The following FRMD4A variants were observed in gnomAD, a reference collection of about 807,000 sequenced individuals.
The protein encoded by FRMD4A is FERM domain containing 4A, also known as FERM domain-containing protein 4A.
A neutral mutation model predicts 129.1 loss-of-function variants in FRMD4A; 29 were observed. The ratio of observed to expected loss-of-function variants is 0.22; its 90% CI spans 0.17 to 0.31. FRMD4A has a LOEUF of 0.31. FRMD4A is among the 10% of genes least tolerant of loss of function. The pLI is 1.00. For missense variants in FRMD4A, 1,272 were observed against 1,375.8 expected, an observed-to-expected ratio of 0.92 and a Z score of 1.19; for synonymous variants, 634 against 571.6, an observed-to-expected ratio of 1.11 and a Z score of -1.56.
intron 2 of FRMD4A, among the ~76,000 whole-genome samples, chr10:14,086,735 T>C (rs1564277310): frequency 6.6e-6 from 1 of 152,178 alleles, no homozygotes; most frequent in East Asian, 1.9e-4. Flanking sequence ...TTTTTTTTGT[T>C]ATTGTTTTAG....
At chr10:14,008,421 T>G (rs2095670135) in intron 2 of FRMD4A, 6 of 1,024,160 alleles carry the variant, frequency 5.9e-6, no homozygotes, top group Non-Finnish European at 5.9e-6. Context: ...CTTTCTTCCA[T>G]CTGTCCCTCT....
intron 2 of FRMD4A, chr10:14,097,141 CAAAAAAAAAAAA>C (rs1157975128): frequency 7.3e-4 from 11 of 14,984 alleles, no homozygotes; most frequent in Middle Eastern, 0.042. Flanking sequence ...GACTCCATCT[CAAAAAAAAAAAA>C]AAAAAAAAAA....
intron 15 of FRMD4A, among the ~76,000 whole-genome samples, chr10:13,676,936 A>G (rs1464751158): frequency 6.6e-6 from 1 of 152,182 alleles, no homozygotes; most frequent in Admixed American, 6.5e-5. Flanking sequence ...ATTTTAGTAA[A>G]CAGATGAGAG....
intron 3 of FRMD4A, among the ~76,000 whole-genome samples, chr10:13,811,956 C>T (rs2093456885): frequency 6.7e-6 from 1 of 148,472 alleles, no homozygotes; most frequent in Admixed American, 6.8e-5. Context: ...GATCTTGGCT[C>T]ATTGCAACCT....
chr10:14,123,903 T>C (rs1175400878), intron 2 of FRMD4A, among the ~76,000 whole-genome samples: 1 of 152,212 alleles, frequency 6.6e-6, no homozygotes, highest in Non-Finnish European at 1.5e-5. Context: ...GCACCTTTCA[T>C]ACTGAGATTG....
At chr10:13,960,044 C>A (rs12256532) in intron 2 of FRMD4A, among the ~76,000 whole-genome samples, 46,819 of 151,956 alleles carry the variant, frequency 0.31, 7,350 homozygotes, top group Admixed American at 0.32. Flanking sequence ...GCAGCCCCCG[C>A]CTTTGGATCC....
At chr10:14,058,144 G>T (rs1834630130) in intron 2 of FRMD4A, among the ~76,000 whole-genome samples, 1 of 152,160 alleles carries the variant, frequency 6.6e-6, no homozygotes, top group South Asian at 2.1e-4. Context: ...GTCCAGGCTT[G>T]GTTGAAGGAG....
At chr10:14,255,841 G>C (rs934483308) in intron 2 of FRMD4A, among the ~76,000 whole-genome samples, 1 of 151,860 alleles carries the variant, frequency 6.6e-6, no homozygotes, top group African/African-American at 2.4e-5. Flanking sequence ...TCCAGTCTTT[G>C]CTAAAAGTAC....
At position 13,782,955 on chromosome 10, in the gene FRMD4A, A is replaced by C; in HGVS notation, c.351T>G (p.Leu117=). Residue 117 remains leucine, a synonymous_variant, in exon 6 of 25, where the codon CTT becomes CTG. Transcript: ENST00000357447. ...TGCAGGACTTCGCGTTCAGAAAGAA[A>C]AGCTCAATGGTAGCATTATCCTTCA... ...SYLKDNATIE[L]FFLNAKSCIY... is the part of the protein sequence containing the mutation. The C allele has an allele frequency of 6.6e-7, 1 of 1,522,158 alleles. No individual in the cohort carries two copies. The highest frequency in any genetic ancestry group is 9.1e-7 in the Non-Finnish European group (1 of 1,096,036). The allele number at this position is 1,522,158 out of a possible 1,614,324, so 94.3% of individuals were successfully genotyped here.
chr10:13,647,949 G>A (rs1398456578), intron 24 of FRMD4A: 1 of 152,120 alleles, frequency 6.6e-6, no homozygotes, highest in Non-Finnish European at 1.5e-5. Flanking sequence ...GTGAGGGATG[G>A]GTGACAGGAA....
chr10:13,901,853 T>A (rs1164643722), intron 2 of FRMD4A, among the ~76,000 whole-genome samples: 2 of 152,066 alleles, frequency 1.3e-5, no homozygotes, highest in African/African-American at 2.4e-5. Flanking sequence ...TGGCCCCCAG[T>A]GATGACTTGG....
intron 2 of FRMD4A, among the ~76,000 whole-genome samples, chr10:13,892,352 G>A (rs2094710281): frequency 6.6e-6 from 1 of 152,146 alleles, no homozygotes; most frequent in Non-Finnish European, 1.5e-5. Context: ...TTCAATGGAA[G>A]TTGCTGCAGG....
chr10:14,123,477 G>A (rs979525397), intron 2 of FRMD4A, among the ~76,000 whole-genome samples: 6 of 152,194 alleles, frequency 3.9e-5, no homozygotes, highest in African/African-American at 1.4e-4. Context: ...AAAACTCCTA[G>A]CCTTCTTCCT....
intron 2 of FRMD4A, among the ~76,000 whole-genome samples, chr10:14,116,291 C>T (rs759021903): frequency 2.6e-5 from 4 of 152,132 alleles, no homozygotes; most frequent in East Asian, 1.9e-4. Flanking sequence ...CCCTGGAAAC[C>T]GCCACGACAG....
intron 2 of FRMD4A, among the ~76,000 whole-genome samples, chr10:13,901,608 CAAAA>C (rs35890520): frequency 5.0e-5 from 6 of 120,792 alleles, no homozygotes; most frequent in Non-Finnish European, 3.5e-5. Flanking sequence ...GACTTCATCT[CAAAA>C]AAAAAAAAAA....
Position 13,758,441 on chromosome 10 carries a change from T to C in FRMD4A, c.464+3206A>G, listed in dbSNP as rs144710596. ...TCTACAGTATGGAAGTCAAAGCCAT[T>C]CCTTTAAATAAAACTGAGGTTATAT... On this transcript the variant is annotated intron_variant, in intron 8 of 24. Transcript: ENST00000357447. Among the ~76,000 whole-genome samples, 521 of 152,346 alleles carry C rather than the reference T, an allele frequency of 3.4e-3. 1 individual carries two copies. The highest frequency in any genetic ancestry group is 0.012 in the African/African-American group (497 of 41,582).
intron 2 of FRMD4A, among the ~76,000 whole-genome samples, chr10:14,250,468 G>A (rs2132019390): frequency 6.6e-6 from 1 of 152,196 alleles, no homozygotes; most frequent in African/African-American, 2.4e-5. Flanking sequence ...CCAATTAAGG[G>A]GAAAAGATTA....
intron 15 of FRMD4A, among the ~76,000 whole-genome samples, chr10:13,676,542 T>C (rs1165245459): frequency 6.6e-6 from 1 of 151,948 alleles, no homozygotes. Context: ...CCCAAAGTGC[T>C]GGGATTACAG....
At chr10:14,072,540 A>G (rs1835365368) in intron 2 of FRMD4A, among the ~76,000 whole-genome samples, 1 of 152,350 alleles carries the variant, frequency 6.6e-6, no homozygotes, top group East Asian at 1.9e-4. Context: ...AGTTACCACA[A>G]GAAGCAAGCC....
Sources: gnomAD v4.1 joint callset for allele counts (sites outside exome capture counted in the v4.1 genomes callset) on GRCh38, gnomAD v4.1.1 for gene constraint, MANE v1.5 for transcripts, NCBI Gene and HGNC (gene_info 2026-07-23, HGNC 2026-07-21) for gene names.